ALMS1: variants seen among roughly 807,000 people sequenced by gnomAD.
ALMS1 encodes the protein ALMS1 centrosome and basal body associated protein.
A neutral mutation model predicts 352.2 loss-of-function variants in ALMS1; 271 were observed. The ratio of observed to expected loss-of-function variants is 0.77; its 90% CI spans 0.70 to 0.85. The LOEUF (loss-of-function observed/expected upper bound fraction) is 0.85, where lower values mean the gene tolerates loss of function less well. Ranked by LOEUF, ALMS1 falls within the 40% of genes least tolerant of loss-of-function variation. ALMS1 has a pLI of 0.00. For missense variants in ALMS1, 5,445 were observed against 4,870.7 expected, an observed-to-expected ratio of 1.12 and a Z score of -3.51; for synonymous variants, 1,865 against 1,761.2, an observed-to-expected ratio of 1.06 and a Z score of -1.48.
intron 16 of ALMS1, among the ~76,000 whole-genome samples, chr2:73,579,253 T>A (rs1675121672): frequency 6.6e-6 from 1 of 151,564 alleles, no homozygotes; most frequent in Admixed American, 6.6e-5. Flanking sequence ...AGAGATGGGG[T>A]TTCACCATGT....
chr2:73,514,666 G>T (rs1413559767), intron 10 of ALMS1, among the ~76,000 whole-genome samples: 2 of 152,056 alleles, frequency 1.3e-5, no homozygotes, highest in Non-Finnish European at 2.9e-5. Flanking sequence ...TAAGTGTTCT[G>T]CATTCTTTCT....
chr2:73,550,551 T>A, intron 13 of ALMS1, 114 bp downstream of exon 13: 1 of 1,381,392 alleles, frequency 7.2e-7, no homozygotes, highest in South Asian at 1.3e-5. Flanking sequence ...GCTTTTCTCC[T>A]TGCTGTTATA....
chr2:73,521,117 T>C (rs1162585501), intron 11 of ALMS1, among the ~76,000 whole-genome samples: 1 of 152,204 alleles, frequency 6.6e-6, no homozygotes, highest in Non-Finnish European at 1.5e-5. Context: ...TTCTTGAACA[T>C]TTTTCTTGTG....
intron 1 of ALMS1, among the ~76,000 whole-genome samples, chr2:73,402,264 C>G (rs1670887826): frequency 6.9e-6 from 1 of 145,252 alleles, no homozygotes; most frequent in African/African-American, 2.6e-5. Flanking sequence ...CTTTCTTTCT[C>G]TCTCTCTTTT....
chr2:73,456,080 A>G (rs1204969474), intron 9 of ALMS1, among the ~76,000 whole-genome samples: 5 of 152,232 alleles, frequency 3.3e-5, no homozygotes, highest in Non-Finnish European at 5.9e-5. Flanking sequence ...AGTAAAAATA[A>G]TTCCCATATA....
chr2:73,582,369 G>A (rs1675203270), intron 16 of ALMS1, among the ~76,000 whole-genome samples: 1 of 152,006 alleles, frequency 6.6e-6, no homozygotes, highest in Admixed American at 6.6e-5. Context: ...TGAATTTCTT[G>A]TGCGTGGTAA....
intron 20 of ALMS1, 30 bp downstream of exon 20, chr2:73,602,398 G>A: frequency 6.2e-7 from 1 of 1,613,302 alleles, no homozygotes; most frequent in East Asian, 2.2e-5. Context: ...TTTCCTGTGA[G>A]TGGAATAGAG....
intron 9 of ALMS1, among the ~76,000 whole-genome samples, chr2:73,484,860 A>T (rs1332906914): frequency 1.3e-5 from 2 of 151,934 alleles, no homozygotes; most frequent in Admixed American, 6.6e-5. Context: ...CTTCCAGTTG[A>T]TGGCATCGGC....
chr2:73,548,817 GATAAGTTT>G (rs1021865279), intron 12 of ALMS1, among the ~76,000 whole-genome samples: 33 of 152,210 alleles, frequency 2.2e-4, no homozygotes, highest in African/African-American at 7.7e-4. Flanking sequence ...CTTGGTGGTC[GATAAGTTT>G]ACCTAGGAAG....
intron 11 of ALMS1, among the ~76,000 whole-genome samples, chr2:73,522,432 A>G (rs1673700786): frequency 6.6e-6 from 1 of 150,976 alleles, no homozygotes; most frequent in Admixed American, 6.6e-5. Context: ...AGTGGTACAA[A>G]TATTCCTAAG....
chr2:73,510,685 C>A (rs554761183), intron 10 of ALMS1, among the ~76,000 whole-genome samples: 1 of 152,150 alleles, frequency 6.6e-6, no homozygotes, highest in Non-Finnish European at 1.5e-5. Context: ...CCAGGAGGCA[C>A]GGGGGTCAGG....
At chr2:73,386,301 C>T in intron 1 of ALMS1, 109 bp downstream of exon 1, 1 of 1,386,240 alleles carries the variant, frequency 7.2e-7, no homozygotes, top group Non-Finnish European at 9.4e-7. Flanking sequence ...AGAAAACGCG[C>T]GCAGCTGAGG....
chr2:73,607,306 A>T (rs1419251068), intron 21 of ALMS1, among the ~76,000 whole-genome samples: 1 of 152,248 alleles, frequency 6.6e-6, no homozygotes, highest in African/African-American at 2.4e-5. Context: ...TAACATATAC[A>T]TTCCATTATA....
At chr2:73,486,858 T>A (rs1672859320) in intron 9 of ALMS1, among the ~76,000 whole-genome samples, 1 of 152,156 alleles carries the variant, frequency 6.6e-6, no homozygotes, top group Non-Finnish European at 1.5e-5. Context: ...GAGACCAGCC[T>A]GGGCAACAAA....
intron 7 of ALMS1, among the ~76,000 whole-genome samples, chr2:73,436,886 G>A (rs1671613818): frequency 6.6e-6 from 1 of 152,118 alleles, no homozygotes; most frequent in Admixed American, 6.5e-5. Context: ...CCCTCTGAAA[G>A]GTAAATTTGC....
intron 9 of ALMS1, among the ~76,000 whole-genome samples, chr2:73,476,271 A>C (rs899466721): frequency 6.6e-6 from 1 of 152,112 alleles, no homozygotes; most frequent in East Asian, 1.9e-4. Context: ...TGTGTATGCC[A>C]CAAACAAAAG....
chr2:73,428,000 ATAT>A lies in ALMS1; in HGVS notation c.1338+1451_1338+1453del, dbSNP rs559555370. On this transcript the variant is annotated intron_variant, in intron 6 of 22. Coordinates refer to ENST00000613296, the MANE Select transcript of ALMS1 (RefSeq NM_001378454.1). ...GATTGTTGGTAGAAAATGAACAAAG[ATAT>A]TATGATGAACTTTTATTTATAATTT... is the stretch of plus-strand genomic sequence containing the variant. Among the ~76,000 whole-genome samples the A allele has an allele frequency of 1.9e-4, 29 of 152,296 alleles. No homozygotes were observed. The South Asian group carries it at 5.8e-3, about 31-fold the overall frequency.
chr2:73,538,850 A>G (rs1674092472), intron 12 of ALMS1, among the ~76,000 whole-genome samples: 1 of 151,878 alleles, frequency 6.6e-6, no homozygotes, highest in Non-Finnish European at 1.5e-5. Flanking sequence ...GGCGCCCTCC[A>G]TTGCCGAGGC....
chr2:73,397,373 T>C (rs796804393), intron 1 of ALMS1, among the ~76,000 whole-genome samples: 2 of 151,946 alleles, frequency 1.3e-5, no homozygotes, highest in African/African-American at 4.8e-5. Context: ...TTTGATTTTT[T>C]AGTTTGTTCA....
Sources: allele counts gnomAD v4.1 joint callset (sites outside exome capture counted in the v4.1 genomes callset), GRCh38; gene constraint gnomAD v4.1.1; transcripts MANE v1.5; gene names NCBI Gene and HGNC (gene_info 2026-07-23, HGNC 2026-07-21).